BOD1L1: variants seen among roughly 807,000 people sequenced by gnomAD.
BOD1L1 encodes biorientation of chromosomes in cell division 1 like 1.
In BOD1L1, 86 loss-of-function variants were observed where a neutral mutation model predicts 240.7. That is an observed-to-expected ratio of 0.36 (90% CI 0.30 to 0.43). The LOEUF (loss-of-function observed/expected upper bound fraction) is 0.43. BOD1L1 is among the 20% of genes least tolerant of loss of function. The pLI is 1.00. For synonymous variants in BOD1L1, 1,268 were observed against 1,272.3 expected (o/e 1.00, Z 0.07); for missense variants, 3,554 against 3,643.5 (o/e 0.98, Z 0.63).
rs775709500 is a variant in BOD1L1, at chr4:13,610,981, T to C, written c.1444A>G (p.Ser482Gly). The change falls in exon 6 of 26, where the codon AGT becomes GGT. Residue 482 changes from serine to glycine, a missense_variant. Ser to Gly is a moderately conservative substitution (Grantham distance 56). Transcript: ENST00000040738. ...ACAGTAAGCTCATCATCAGAATCAC[T>C]ATAGTATTTTGAGTAAAGATATGGT... is the stretch of plus-strand genomic sequence containing the variant. ...HKPYLYSKYY[S>G]DSDDELTVEQ... 6.2e-6 allele frequency: 10 copies of C among 1,612,412 alleles called. No individual in the cohort carries two copies. The highest frequency in any genetic ancestry group is 8.5e-6 in the Non-Finnish European group (10 of 1,179,122).
In BOD1L1 at chr4:13,601,927, C is replaced by A. The variant is rs1207952919; in HGVS notation, c.4973G>T (p.Gly1658Val). 5.6e-6 allele frequency: 9 copies of A among 1,613,794 alleles called. No individual in the cohort carries two copies. The highest frequency in any genetic ancestry group is 7.6e-6 in the Non-Finnish European group (9 of 1,179,892). ...AGAACCATCACATTTTTCTTCAGAG[C>A]CTGCACTGGTTACAGCATCATCCTT... is the stretch of plus-strand genomic sequence containing the variant. ...EEKDDAVTSA[G>V]SEEKCDGSLS... The change falls in exon 10 of 26, where the codon GGC (glycine) becomes GTC (valine). Residue 1658 changes from glycine (G) to valine (V), a missense_variant. Physicochemically the swap from Gly to Val is moderately radical, Grantham distance 109. Coordinates refer to ENST00000040738, the MANE Select transcript of BOD1L1 (RefSeq NM_148894.3).
At chr4:13,585,790 T>G (rs1713632162) in intron 17 of BOD1L1, among the ~76,000 whole-genome samples, 1 of 152,194 alleles carries the variant, frequency 6.6e-6, no homozygotes, top group South Asian at 2.1e-4. Context: ...TGAATAAGTC[T>G]CCTGAGATCT....
chr4:13,618,670 ACTGT>A (rs1716803085), intron 2 of BOD1L1, among the ~76,000 whole-genome samples: 1 of 152,164 alleles, frequency 6.6e-6, no homozygotes, highest in Admixed American at 6.5e-5. Flanking sequence ...ACAAGGAGAC[ACTGT>A]CTGAGCCCCC....
Position 13,599,798 on chromosome 4 carries a change from C to T in BOD1L1, c.7102G>A (p.Val2368Met). The T allele has an allele frequency of 1.2e-6, 2 of 1,614,040 alleles. No individual in the cohort carries two copies. The highest frequency in any genetic ancestry group is 2.2e-5 in the East Asian group (1 of 44,876). ...EGNGDLSATE[V>M]SKHKVPMPSL... Reference sequence around the variant, plus strand: ...GGCATGGGGACCTTGTGCTTGCTCACTTCTGTGGCTGACAGGTCACCGTTC... The same window carrying T: ...GGCATGGGGACCTTGTGCTTGCTCATTTCTGTGGCTGACAGGTCACCGTTC... The change falls in exon 10 of 26, where the codon GTG becomes ATG. Residue 2368 changes from valine (V) to methionine (M), a missense_variant. Physicochemically the swap from Val to Met is conservative, Grantham distance 21. Around this residue, in one of 2 missense-constraint regions of BOD1L1, gnomAD observed 3,393 missense variants for 3,427.1 expected, o/e 0.99. Transcript: ENST00000040738.
intron 9 of BOD1L1, 31 bp from the exon 10 acceptor site, chr4:13,605,115 A>G: frequency 6.9e-7 from 1 of 1,449,116 alleles, no homozygotes. Context: ...AAATATGAGA[A>G]ATACCAAAAT....
In BOD1L1 at chr4:13,599,761, G is replaced by A; in HGVS notation, c.7139C>T (p.Ala2380Val). Residue 2380 changes from alanine to valine, a missense_variant, in exon 10 of 26, where the codon GCT becomes GTT. By Grantham distance (64) the Ala-to-Val change is moderately conservative. This residue lies in a region of BOD1L1 where 3,393 missense variants were observed against 3,427.1 expected (regional missense o/e 0.99). Coordinates refer to ENST00000040738, the MANE Select transcript of BOD1L1 (RefSeq NM_148894.3). ...KHKVPMPSLI[A>V]ENNCRCPGPV... ...CCCAGGACACCGACAGTTATTCTCA[G>A]CAATTAGGCTGGGCATGGGGACCTT... 6.2e-7 allele frequency: 1 copy of A among 1,613,966 alleles called. No homozygotes were observed. The highest frequency in any genetic ancestry group is 8.5e-7 in the Non-Finnish European group (1 of 1,179,888).
Position 13,601,356 on chromosome 4 carries a change from A to G in BOD1L1, c.5544T>C (p.Pro1848=), listed in dbSNP as rs1258445012. 2.5e-6 allele frequency: 4 copies of G among 1,613,874 alleles called. No homozygotes were observed. The highest frequency in any genetic ancestry group is 3.4e-6 in the Non-Finnish European group (4 of 1,179,906). Reference sequence around the variant, plus strand: ...TAGTCACAATGCCTTCATCATCACAAGGACCAGCAGCAACTAATGGTACAT... The same window carrying G: ...TAGTCACAATGCCTTCATCATCACAGGGACCAGCAGCAACTAATGGTACAT... ...GTNVPLVAAG[P]CDDEGIVTST... Residue 1848 remains proline (P), a synonymous_variant, in exon 10 of 26, where the codon CCT becomes CCC. Coordinates refer to ENST00000040738, the MANE Select transcript of BOD1L1 (RefSeq NM_148894.3).
At position 13,603,948 on chromosome 4, in the gene BOD1L1, T is replaced by C. The variant is rs763577453; in HGVS notation, c.2952A>G (p.Thr984=). 2.5e-6 allele frequency: 4 copies of C among 1,613,942 alleles called. No individual in the cohort carries two copies. Among genetic ancestry groups the C allele is most frequent in the East Asian group, 2.2e-5 (1 of 44,870 alleles). The change falls in exon 10 of 26, where the codon ACA becomes ACG. Residue 984 remains threonine (T), a synonymous_variant. Transcript: ENST00000040738. ...TGGCTCTATGACTAGAATCCTTCTG[T>C]GTACTATGTGCTGAAGAAGAAGCAG... ...LETASSSAHS[T]QKDSSHRAKL...
chr4:13,626,319 C>CAAAA (rs71169520), intron 1 of BOD1L1: 3 of 47,036 alleles, frequency 6.4e-5, no homozygotes, highest in Admixed American at 2.3e-4. Flanking sequence ...GACTCTGTCT[C>CAAAA]AAAAAAAAAA....
At chr4:13,608,778 A>C (rs535323077) in intron 7 of BOD1L1, 110 bp from the exon 8 acceptor site, 72 of 874,834 alleles carry the variant, frequency 8.2e-5, no homozygotes, top group Non-Finnish European at 1.1e-4. Context: ...AAATGGCTTT[A>C]ATATTCTTAA....
intron 12 of BOD1L1, among the ~76,000 whole-genome samples, chr4:13,593,971 A>G (rs1051814959): frequency 3.9e-5 from 6 of 152,194 alleles, no homozygotes; most frequent in African/African-American, 9.7e-5. Flanking sequence ...CTAAATCAGA[A>G]TAAGTCTCAG....
At chr4:13,594,919 A>G (rs1714504891) in intron 12 of BOD1L1, among the ~76,000 whole-genome samples, 1 of 150,164 alleles carries the variant, frequency 6.7e-6, no homozygotes, top group South Asian at 2.1e-4. Flanking sequence ...AAAATAAAAC[A>G]AAACAAAAAA....
Position 13,602,068 on chromosome 4 carries a change from T to C in BOD1L1, c.4832A>G (p.Lys1611Arg), listed in dbSNP as rs757693225. Reference sequence around the variant, plus strand: ...AGCACACTCCCCACTTTCCCCTTCCTTAGTGCTTGTGAGGAAGGTTTCACT... The same window carrying C: ...AGCACACTCCCCACTTTCCCCTTCCCTAGTGCTTGTGAGGAAGGTTTCACT... ...AESETFLTSTKEGESGECAVA... is the reference protein window; with the variant it reads ...AESETFLTSTREGESGECAVA... The change falls in exon 10 of 26, where the codon AAG (lysine) becomes AGG (arginine). Residue 1611 changes from lysine to arginine, a missense_variant. Physicochemically the swap from Lys to Arg is conservative, Grantham distance 26. Around this residue, in one of 2 missense-constraint regions of BOD1L1, gnomAD observed 3,393 missense variants for 3,427.1 expected, o/e 0.99. Transcript: ENST00000040738. 6 of 1,613,872 alleles carry C rather than the reference T, an allele frequency of 3.7e-6. No individual in the cohort carries two copies. In the Admixed American group the frequency reaches 8.3e-5, roughly 22 times the overall value.
At position 13,599,703 on chromosome 4, in the gene BOD1L1, C is replaced by A; in HGVS notation, c.7197G>T (p.Val2399=). The A allele has an allele frequency of 6.2e-7, 1 of 1,613,800 alleles. No homozygotes were observed. Among genetic ancestry groups the A allele is most frequent in the South Asian group, 1.1e-5 (1 of 91,082 alleles). The change falls in exon 10 of 26, where the codon GTG becomes GTT. Residue 2399 remains valine, a synonymous_variant. Transcript: ENST00000040738. Reference sequence around the variant, plus strand: ...GCCCCTCCTCGGTGCTCACTGCCAACACGGGACCCGGTTCTTTGCCTCCCC... The same window carrying A: ...GCCCCTCCTCGGTGCTCACTGCCAAAACGGGACCCGGTTCTTTGCCTCCCC... ...PVRGGKEPGP[V]LAVSTEEGHN...
At chr4:13,612,849 C>G (rs1048719816) in intron 5 of BOD1L1, among the ~76,000 whole-genome samples, 9 of 152,166 alleles carry the variant, frequency 5.9e-5, no homozygotes, top group South Asian at 2.1e-4. Context: ...GGGCAGCCAA[C>G]TCTGACTACA....
chr4:13,614,761 C>A lies in BOD1L1; in HGVS notation c.609G>T (p.Ser203=). 6 of 1,613,668 alleles carry A rather than the reference C, an allele frequency of 3.7e-6. No homozygotes were observed. The highest frequency in any genetic ancestry group is 5.1e-6 in the Non-Finnish European group (6 of 1,179,784). The change falls in exon 4 of 26, where the codon TCG becomes TCT. Residue 203 remains serine (S), a synonymous_variant. Coordinates refer to ENST00000040738, the MANE Select transcript of BOD1L1 (RefSeq NM_148894.3). ...TAAGAGAAGTTATGGTTTCCAATAT[C>A]GACATGGCATCATTGGCTACATTAG... ...PSANVANDAM[S]ILETITSLNQ...
chr4:13,585,603 A>T (rs966676955), intron 17 of BOD1L1, among the ~76,000 whole-genome samples: 2 of 152,162 alleles, frequency 1.3e-5, no homozygotes, highest in African/African-American at 4.8e-5. Flanking sequence ...GCAATGGGTG[A>T]GGCCAATCCT....
At chr4:13,622,291 T>G (rs1717096930) in intron 1 of BOD1L1, among the ~76,000 whole-genome samples, 1 of 152,214 alleles carries the variant, frequency 6.6e-6, no homozygotes, top group Non-Finnish European at 1.5e-5. Context: ...TCTAGTCTAG[T>G]CTTCCCAGAA....
chr4:13,580,994 A>G (rs1713180884), intron 21 of BOD1L1, 26 bp downstream of exon 21: 1 of 1,560,822 alleles, frequency 6.4e-7, no homozygotes, highest in Admixed American at 1.9e-5. Context: ...AAGTATTTGA[A>G]ATTGTCATGT....
Sources: allele counts gnomAD v4.1 joint callset (sites outside exome capture counted in the v4.1 genomes callset), GRCh38; gene constraint gnomAD v4.1.1; regional missense constraint gnomAD v4.1.1; transcripts MANE v1.5; gene names NCBI Gene and HGNC (gene_info 2026-07-23, HGNC 2026-07-21).